Variants in ACSL5 observed in about 807,000 individuals in gnomAD.
The protein encoded by ACSL5 is long-chain-fatty-acid--CoA ligase 5.
A neutral mutation model predicts 84.9 loss-of-function variants in ACSL5; 50 were observed. The observed-to-expected ratio is 0.59, with a 90% CI of 0.47 to 0.75. The LOEUF (loss-of-function observed/expected upper bound fraction) is 0.75. ACSL5 is among the 30% of genes least tolerant of loss of function. The pLI is 0.00. For missense variants in ACSL5, 775 were observed against 830.4 expected (o/e 0.93, Z 0.82); for synonymous variants, 280 against 300.7 (o/e 0.93, Z 0.71).
chr10:112,404,088 C>A (rs929015067), intron 3 of ACSL5, among the ~76,000 whole-genome samples: 3 of 152,250 alleles, frequency 2.0e-5, no homozygotes, highest in Admixed American at 6.5e-5. Context: ...ATTGATGATT[C>A]ATATTTTAAC....
chr10:112,407,316 C>T (rs191016598), intron 5 of ACSL5, among the ~76,000 whole-genome samples: 5 of 152,198 alleles, frequency 3.3e-5, no homozygotes, highest in African/African-American at 9.6e-5. Flanking sequence ...CTCCACCTCC[C>T]GGGTTCAAGC....
chr10:112,382,412 A>G (rs1250881665), intron 1 of ACSL5, among the ~76,000 whole-genome samples: 1 of 152,196 alleles, frequency 6.6e-6, no homozygotes, highest in African/African-American at 2.4e-5. Flanking sequence ...GCAGCTTCCC[A>G]CTGTGTCTCA....
intron 12 of ACSL5, among the ~76,000 whole-genome samples, chr10:112,415,752 T>G (rs1341125299): frequency 6.6e-6 from 1 of 152,174 alleles, no homozygotes; most frequent in African/African-American, 2.4e-5. Flanking sequence ...ACATGGAAGA[T>G]GGATGGAGAG....
Position 112,399,006 on chromosome 10 carries a change from T to G in ACSL5, c.262T>G (p.Ser88Ala), listed in dbSNP as rs757337379. 1 of 1,613,072 alleles carries G rather than the reference T, an allele frequency of 6.2e-7. No individual in the cohort carries two copies. Among genetic ancestry groups the G allele is most frequent in the Admixed American group, 1.7e-5 (1 of 60,012 alleles). Residue 88 changes from serine (S) to alanine (A), a missense_variant, in exon 3 of 21, where the codon TCT becomes GCT. Coordinates refer to ENST00000354655, the MANE Select transcript of ACSL5 (RefSeq NM_203379.2). ...YEVFQRGLAV[S>A]DNGPCLGYRK... ...GGTTTTCCAAAGAGGACTCGCTGTGTCTGGTAAGCCTGGTGGTCTGTCCTT... is the reference window on the plus strand; with the variant it reads ...GGTTTTCCAAAGAGGACTCGCTGTGGCTGGTAAGCCTGGTGGTCTGTCCTT...
intron 4 of ACSL5, 51 bp from the exon 5 acceptor site, chr10:112,404,654 T>A: frequency 6.2e-7 from 1 of 1,602,052 alleles, no homozygotes. Context: ...TGGTCAGTTT[T>A]TGGTCTTGAC....
At chr10:112,401,788 CTTTCTTTCTTTCTTT>C (rs1843900428) in intron 3 of ACSL5, among the ~76,000 whole-genome samples, 3 of 91,104 alleles carry the variant, frequency 3.3e-5, no homozygotes, top group African/African-American at 8.2e-5. Flanking sequence ...CTTTCTTTCT[CTTTCTTTCTTTCTTT>C]CTTTCTTTCT....
intron 12 of ACSL5, among the ~76,000 whole-genome samples, chr10:112,416,626 C>G (rs1387771114): frequency 6.6e-6 from 1 of 152,030 alleles, no homozygotes; most frequent in African/African-American, 2.4e-5. Flanking sequence ...GGCAGTCCCT[C>G]TTTATCTCAG....
At chr10:112,419,603 T>C (rs913088347) in intron 14 of ACSL5, 1 of 152,236 alleles carries the variant, frequency 6.6e-6, no homozygotes, top group Non-Finnish European at 1.5e-5. Flanking sequence ...AACATCATGT[T>C]GGCACTCAAA....
At chr10:112,393,165 T>A (rs1843678209) in intron 1 of ACSL5, among the ~76,000 whole-genome samples, 1 of 152,110 alleles carries the variant, frequency 6.6e-6, no homozygotes, top group Admixed American at 6.5e-5. Context: ...AAGGCTGAAT[T>A]CCAAAAATCC....
intron 1 of ACSL5, among the ~76,000 whole-genome samples, chr10:112,393,711 T>C (rs997679180): frequency 2.6e-5 from 4 of 152,218 alleles, no homozygotes; most frequent in Admixed American, 6.5e-5. Flanking sequence ...TGAACTTCAT[T>C]TGCTGTCACC....
intron 1 of ACSL5, chr10:112,375,312 A>T (rs375330894): frequency 6.6e-6 from 1 of 152,108 alleles, no homozygotes; most frequent in African/African-American, 2.4e-5. Flanking sequence ...CCAGCCCTTC[A>T]TCTTTCTTCC....
At chr10:112,423,796 CT>C (rs549809930) in intron 17 of ACSL5, among the ~76,000 whole-genome samples, 61 of 151,384 alleles carry the variant, frequency 4.0e-4, no homozygotes, top group African/African-American at 1.1e-3. Flanking sequence ...CTACTCTGTC[CT>C]TTTTTTTTCC....
intron 1 of ACSL5, chr10:112,376,230 A>G (rs2133551244): frequency 6.4e-7 from 1 of 1,558,262 alleles, no homozygotes. Context: ...CGAGCACGTT[A>G]GAAAGCCTGA....
Position 112,387,936 on chromosome 10 carries a change from C to CTTTTT in ACSL5, c.-29-6967_-29-6963dup, listed in dbSNP as rs35032191. 2.2e-3 allele frequency among the ~76,000 whole-genome samples: 265 copies of CTTTTT among 118,416 alleles called. 3 individuals are homozygous for CTTTTT. Among genetic ancestry groups the CTTTTT allele is most frequent in the Non-Finnish European group, 3.8e-3 (228 of 59,806 alleles). 77.7% of individuals were successfully genotyped at this position (118,416 alleles called of 152,430 possible). A position where few individuals can be genotyped will look rare whatever the true frequency, so the allele number is the denominator to read the frequency against. The stretch of plus-strand genomic sequence containing the variant: ...AGGTAACAGAATGATTTATTTGTTC[C>CTTTTT]TTTTTTTTTTTTTTTTTTTGGAGAC... On this transcript the variant is annotated intron_variant, in intron 1 of 20. Transcript: ENST00000354655.
chr10:112,420,148 C>T (rs1844422400), intron 14 of ACSL5: 1 of 152,184 alleles, frequency 6.6e-6, no homozygotes, highest in Admixed American at 6.5e-5. Context: ...TTTCCTTAAG[C>T]CCCTAAAACC....
Position 112,428,236 on chromosome 10 carries a change from C to A in ACSL5, c.*878C>A, listed in dbSNP as rs1414505640. 3.1e-5 allele frequency: 12 copies of A among 381,592 alleles called. No homozygotes were observed. In the Admixed American group the frequency reaches 3.6e-4, roughly 12 times the overall value. 23.6% of individuals were successfully genotyped at this position (381,592 alleles called of 1,614,324 possible). A position where few individuals can be genotyped will look rare whatever the true frequency, so the allele number is the denominator to read the frequency against. ...GATCTACAGGCAAGCAAGATGCCCACACAACAGGCTTATTTTCTGTGAAGG... is the reference window on the plus strand; with the variant it reads ...GATCTACAGGCAAGCAAGATGCCCAAACAACAGGCTTATTTTCTGTGAAGG... On this transcript the variant is annotated 3_prime_UTR_variant, in exon 21 of 21. Transcript: ENST00000354655.
In ACSL5 at chr10:112,427,988, A is replaced by G. The variant is rs997385491; in HGVS notation, c.*630A>G. The G allele has an allele frequency of 6.4e-5, 10 of 156,190 alleles. No homozygotes were observed. Among genetic ancestry groups the G allele is most frequent in the African/African-American group, 2.4e-4 (10 of 41,662 alleles). The allele number at this position is 156,190 out of a possible 1,614,324, so 9.7% of individuals were successfully genotyped here. Reference sequence around the variant, plus strand: ...AACATTTCCTAAACTCTCTAGTTAGATATCTGACTTGGGAGTATTAAAAAT... The same window carrying G: ...AACATTTCCTAAACTCTCTAGTTAGGTATCTGACTTGGGAGTATTAAAAAT... On this transcript the variant is annotated 3_prime_UTR_variant, in exon 21 of 21. Coordinates refer to ENST00000354655, the MANE Select transcript of ACSL5 (RefSeq NM_203379.2).
intron 1 of ACSL5, among the ~76,000 whole-genome samples, chr10:112,381,157 A>G (rs1417661591): frequency 6.6e-6 from 1 of 152,166 alleles, no homozygotes; most frequent in African/African-American, 2.4e-5. Flanking sequence ...CTAGTGTTCC[A>G]TACAGCCGTC....
At chr10:112,401,788 CTTT>C (rs1564736321) in intron 3 of ACSL5, among the ~76,000 whole-genome samples, 12 of 91,106 alleles carry the variant, frequency 1.3e-4, no homozygotes, top group Non-Finnish European at 2.3e-4. Context: ...CTTTCTTTCT[CTTT>C]CTTTCTTTCT....
Sources: gnomAD v4.1 joint callset for allele counts (sites outside exome capture counted in the v4.1 genomes callset) on GRCh38, gnomAD v4.1.1 for gene constraint, MANE v1.5 for transcripts, NCBI Gene and HGNC (gene_info 2026-07-23, HGNC 2026-07-21) for gene names.